The following ATP11A variants were observed in gnomAD, a reference collection of about 807,000 sequenced individuals.
ATP11A encodes ATPase phospholipid transporting 11A, also known as phospholipid-transporting ATPase IH.
Under a neutral mutation model 154.4 loss-of-function variants are expected in ATP11A, and 81 were observed. The observed-to-expected ratio is 0.52, with a 90% CI of 0.44 to 0.63. The LOEUF (loss-of-function observed/expected upper bound fraction) is 0.63, where lower values mean the gene tolerates loss of function less well. Among genes scored for constraint, ATP11A ranks in the 30% least tolerant of loss-of-function variants. The pLI is 0.00. For missense variants in ATP11A, 1,316 were observed against 1,474.3 expected (o/e 0.89, Z 1.76); for synonymous variants, 623 against 585.9 (o/e 1.06, Z -0.91).
At chr13:112,748,380 T>C (rs895914432) in intron 1 of ATP11A, among the ~76,000 whole-genome samples, 1 of 152,244 alleles carries the variant, frequency 6.6e-6, no homozygotes, top group African/African-American at 2.4e-5. Context: ...CATTTCTTTT[T>C]ATTGAGATGG....
At chr13:112,713,790 G>A (rs939970181) in intron 1 of ATP11A, among the ~76,000 whole-genome samples, 3 of 152,086 alleles carry the variant, frequency 2.0e-5, no homozygotes, top group Admixed American at 6.5e-5. Context: ...GTGTCCAGTT[G>A]AGGGGAAAAA....
At chr13:112,758,262 A>G (rs9604425) in intron 1 of ATP11A, among the ~76,000 whole-genome samples, 4 of 151,642 alleles carry the variant, frequency 2.6e-5, no homozygotes, top group African/African-American at 9.7e-5. Flanking sequence ...GGGTTTCACC[A>G]TGTTGGCCAG....
chr13:112,793,639 G>A (rs1470751359), intron 2 of ATP11A, among the ~76,000 whole-genome samples: 2 of 152,218 alleles, frequency 1.3e-5, no homozygotes, highest in African/African-American at 2.4e-5. Context: ...AGTTCCATGC[G>A]AGTGGCTGCT....
intron 1 of ATP11A, among the ~76,000 whole-genome samples, chr13:112,707,978 C>G (rs577126078): frequency 6.6e-6 from 1 of 152,216 alleles, no homozygotes; most frequent in Non-Finnish European, 1.5e-5. Context: ...AAAACTACAA[C>G]GCCTGCAGCC....
At chr13:112,733,790 G>T (rs2139705163) in intron 1 of ATP11A, among the ~76,000 whole-genome samples, 1 of 152,244 alleles carries the variant, frequency 6.6e-6, no homozygotes, top group Non-Finnish European at 1.5e-5. Context: ...TTTGGTTTCT[G>T]TTTTGTCTAA....
chr13:112,845,846 C>T (rs2079590696), intron 17 of ATP11A, among the ~76,000 whole-genome samples: 1 of 150,992 alleles, frequency 6.6e-6, no homozygotes, highest in African/African-American at 2.4e-5. Context: ...CAGTACTAAC[C>T]AGTCCAGTTG....
intron 19 of ATP11A, 103 bp from the exon 20 acceptor site, chr13:112,855,808 C>T: frequency 9.3e-7 from 1 of 1,075,962 alleles, no homozygotes; most frequent in South Asian, 1.8e-5. Context: ...GTTTCTTAAT[C>T]CCATGGATTT....
chr13:112,705,602 A>G (rs954737709), intron 1 of ATP11A, among the ~76,000 whole-genome samples: 7 of 152,170 alleles, frequency 4.6e-5, no homozygotes, highest in Admixed American at 6.5e-5. Context: ...GCCGGCAGGG[A>G]CCATCAGAGG....
intron 18 of ATP11A, among the ~76,000 whole-genome samples, chr13:112,853,603 C>G (rs1485605210): frequency 6.6e-6 from 1 of 152,210 alleles, no homozygotes; most frequent in Non-Finnish European, 1.5e-5. Flanking sequence ...CCGCTTACCC[C>G]CGACACCTTC....
intron 1 of ATP11A, among the ~76,000 whole-genome samples, chr13:112,764,055 A>T (rs1281744227): frequency 6.6e-6 from 1 of 152,236 alleles, no homozygotes; most frequent in Non-Finnish European, 1.5e-5. Context: ...TTGTGGAAAG[A>T]GATGACATGT....
At chr13:112,851,267 G>T in intron 18 of ATP11A, 49 bp downstream of exon 18, 1 of 1,579,112 alleles carries the variant, frequency 6.3e-7, no homozygotes, top group East Asian at 2.2e-5. Flanking sequence ...TGGGATGCAG[G>T]CCGACGGCCC....
At position 112,875,478 on chromosome 13, in the gene ATP11A, GTGTTT is replaced by G; in HGVS notation, c.3162-291_3162-287del. Among the ~76,000 whole-genome samples the G allele has an allele frequency of 8.2e-6, 1 of 121,682 alleles. No homozygotes were observed. Among genetic ancestry groups the G allele is most frequent in the Non-Finnish European group, 1.7e-5 (1 of 58,422 alleles). 79.8% of individuals were successfully genotyped at this position (121,682 alleles called of 152,430 possible). A position where few individuals can be genotyped will look rare whatever the true frequency, so the allele number is the denominator to read the frequency against. On this transcript the variant is annotated intron_variant, in intron 27 of 29. Coordinates refer to ENST00000375645, the MANE Select transcript of ATP11A (RefSeq NM_015205.3). The surrounding 1 kb of genome is among the most constrained non-coding windows in gnomAD (Gnocchi z 4.1). ...AAAACATCCCTATTTCAATCCCTTT[GTGTTT>G]TGTTTTTTGTTTTTTTTTTTTTTGC...
chr13:112,850,934 T>G (rs548127593), intron 17 of ATP11A, 103 bp from the exon 18 acceptor site: 2 of 1,027,262 alleles, frequency 1.9e-6, no homozygotes, highest in East Asian at 4.8e-5. Flanking sequence ...ATTCTTGGGT[T>G]AGTTAGTCTA....
intron 2 of ATP11A, among the ~76,000 whole-genome samples, chr13:112,796,009 TA>T (rs1162972906): frequency 6.6e-6 from 1 of 152,242 alleles, no homozygotes; most frequent in Non-Finnish European, 1.5e-5. Context: ...ATAGAGTACC[TA>T]AATTATCTTG....
chr13:112,870,947 G>T (rs1295550861), intron 25 of ATP11A, among the ~76,000 whole-genome samples: 1 of 152,210 alleles, frequency 6.6e-6, no homozygotes, highest in East Asian at 1.9e-4. Context: ...GTGCTGCGTT[G>T]CCAGCTGGCA....
chr13:112,825,767 C>T (rs1267484921), intron 11 of ATP11A, among the ~76,000 whole-genome samples, 187 bp downstream of exon 11: 10 of 152,210 alleles, frequency 6.6e-5, no homozygotes, highest in African/African-American at 2.4e-4. Context: ...CTCCTGCCAT[C>T]TTTGGATCTG....
At chr13:112,811,878 T>C (rs1391907919) in intron 5 of ATP11A, 1 of 152,246 alleles carries the variant, frequency 6.6e-6, no homozygotes, top group Non-Finnish European at 1.5e-5. Flanking sequence ...AGTGCTGGAA[T>C]TACAGGCATA....
In ATP11A at chr13:112,885,954, T is replaced by A. The variant is rs1207073580; in HGVS notation, c.*4088T>A. 6.6e-6 allele frequency: 1 copy of A among 152,310 alleles called. No individual in the cohort carries two copies. Among genetic ancestry groups the A allele is most frequent in the Non-Finnish European group, 1.5e-5 (1 of 68,106 alleles). The allele number at this position is 152,310 out of a possible 1,614,324, so 9.4% of individuals were successfully genotyped here. On this transcript the variant is annotated 3_prime_UTR_variant, in exon 30 of 30. Coordinates refer to ENST00000375645, the MANE Select transcript of ATP11A (RefSeq NM_015205.3). The stretch of plus-strand genomic sequence containing the variant: ...TGCCCTGGACAAGGCCCTTCCCCTT[T>A]AGGGAGGTCCAGCCTCGCAAGCTGA...
chr13:112,828,889 C>T (rs994188088), intron 12 of ATP11A, among the ~76,000 whole-genome samples: 2 of 152,188 alleles, frequency 1.3e-5, no homozygotes, highest in African/African-American at 4.8e-5. Flanking sequence ...TACGATAACA[C>T]GACTTCTTTT....
Sources: gnomAD v4.1 joint callset for allele counts (sites outside exome capture counted in the v4.1 genomes callset) on GRCh38, gnomAD v4.1.1 for gene constraint, Gnocchi (gnomAD v3.1) non-coding constraint, MANE v1.5 for transcripts, NCBI Gene and HGNC (gene_info 2026-07-23, HGNC 2026-07-21) for gene names.